The following GABBR2 variants were observed in gnomAD, a reference collection of about 807,000 sequenced individuals.
GABBR2 encodes the protein gamma-aminobutyric acid type B receptor subunit 2.
In GABBR2, 23 loss-of-function variants were observed where a neutral mutation model predicts 105.6. That is an observed-to-expected ratio of 0.22 (90% confidence interval 0.16 to 0.31). GABBR2 has a LOEUF of 0.31. Ranked by LOEUF, GABBR2 falls within the 10% of genes least tolerant of loss-of-function variation. The pLI, the probability that GABBR2 is intolerant of heterozygous loss-of-function variation, is 1.00. For synonymous variants in GABBR2, 478 were observed against 499.7 expected, an observed-to-expected ratio of 0.96 and a Z score of 0.58; for missense variants, 734 against 1,245.5, an observed-to-expected ratio of 0.59 and a Z score of 6.18.
At chr9:98,484,759 G>T (rs981397513) in intron 4 of GABBR2, among the ~76,000 whole-genome samples, 13 of 152,224 alleles carry the variant, frequency 8.5e-5, no homozygotes, top group African/African-American at 3.1e-4. Flanking sequence ...GAAAGGTTTT[G>T]GATTTGGGGA....
At chr9:98,593,658 T>G (rs1829180681) in intron 1 of GABBR2, among the ~76,000 whole-genome samples, 2 of 152,114 alleles carry the variant, frequency 1.3e-5, no homozygotes, top group Non-Finnish European at 2.9e-5. Context: ...GACTTTCCCT[T>G]GGGAGCCATG....
chr9:98,291,973 A>G (rs1456647006), intron 18 of GABBR2, among the ~76,000 whole-genome samples: 2 of 152,174 alleles, frequency 1.3e-5, no homozygotes, highest in Non-Finnish European at 2.9e-5. Flanking sequence ...CAGCAAGGGA[A>G]AAGGGAGCTG....
chr9:98,459,623 T>G (rs1305753282), intron 6 of GABBR2, among the ~76,000 whole-genome samples: 1 of 152,198 alleles, frequency 6.6e-6, no homozygotes, highest in Non-Finnish European at 1.5e-5. Flanking sequence ...ATAATTAAGC[T>G]GCATAAAGCA....
intron 3 of GABBR2, among the ~76,000 whole-genome samples, chr9:98,531,759 G>A (rs979942659): frequency 1.3e-5 from 2 of 152,202 alleles, no homozygotes; most frequent in African/African-American, 4.8e-5. Flanking sequence ...AGGCCTGTGG[G>A]GCTGATTCTT....
chr9:98,451,239 C>T (rs568745971), intron 7 of GABBR2, among the ~76,000 whole-genome samples: 13 of 152,266 alleles, frequency 8.5e-5, no homozygotes, highest in African/African-American at 2.4e-4. Flanking sequence ...GAGTTCAGGG[C>T]TCCTTCTCTG....
chr9:98,371,365 C>T, intron 12 of GABBR2, 99 bp downstream of exon 12: 1 of 695,808 alleles, frequency 1.4e-6, no homozygotes, highest in Non-Finnish European at 2.6e-6. Flanking sequence ...TAGCTTGGAT[C>T]CCCAGCAAAT....
chr9:98,631,309 T>C (rs1019126918), intron 1 of GABBR2, among the ~76,000 whole-genome samples: 1 of 152,200 alleles, frequency 6.6e-6, no homozygotes, highest in Non-Finnish European at 1.5e-5. Flanking sequence ...CTGGAAAAGA[T>C]AACTAACCTT....
At chr9:98,455,240 C>T (rs12004517) in intron 6 of GABBR2, among the ~76,000 whole-genome samples, 35,761 of 151,992 alleles carry the variant, frequency 0.24, 4,555 homozygotes, top group East Asian at 0.5. Flanking sequence ...CACAAAGTAA[C>T]GAAACTGCCT....
At position 98,708,417 on chromosome 9, in the gene GABBR2, C is replaced by T. The variant is rs773774151; in HGVS notation, c.321G>A (p.Glu107=). Residue 107 remains glutamate, a splice_region_variant and synonymous_variant, in exon 1 of 19, where the codon GAG becomes GAA. Coordinates refer to ENST00000259455, the MANE Select transcript of GABBR2 (RefSeq NM_005458.8). The part of the protein sequence containing the change: ...YFLDLRLYDT[E]CDNAKGLKAF... ...ACGGCAGGGGCAGCCGGACACTCAC[C>T]TCCGTGTCATAGAGCCGCAGGTCGA... The T allele has an allele frequency of 5.4e-6, 8 of 1,481,448 alleles. No homozygotes were observed. The highest frequency in any genetic ancestry group is 1.4e-5 in the South Asian group (1 of 71,154). The allele number at this position is 1,481,448 out of a possible 1,614,324, so 91.8% of individuals were successfully genotyped here. A position where few individuals can be genotyped will look rare whatever the true frequency, so the allele number is the denominator to read the frequency against.
At position 98,362,781 on chromosome 9, in the gene GABBR2, C is replaced by T. The variant is rs764113280; in HGVS notation, c.1827G>A (p.Leu609=). Residue 609 remains leucine, a synonymous_variant, in exon 13 of 19, where the codon CTG becomes CTA. Coordinates refer to ENST00000259455, the MANE Select transcript of GABBR2 (RefSeq NM_005458.8). ...CAGCCTGCCAGCAGATCAGGATACACAGGTCGATCAGCAGCATGCCCCCCA... is the reference window on the plus strand; with the variant it reads ...CAGCCTGCCAGCAGATCAGGATACATAGGTCGATCAGCAGCATGCCCCCCA... The part of the protein sequence containing the change: ...VIVGGMLLID[L]CILICWQAVD... 8 of 1,604,252 alleles carry T rather than the reference C, an allele frequency of 5.0e-6. No individual in the cohort carries two copies. The highest frequency in any genetic ancestry group is 2.3e-5 in the East Asian group (1 of 43,972).
At chr9:98,593,402 G>A (rs1466881328) in intron 1 of GABBR2, among the ~76,000 whole-genome samples, 1 of 152,184 alleles carries the variant, frequency 6.6e-6, no homozygotes, top group African/African-American at 2.4e-5. Context: ...GGGGAGGGGT[G>A]AGAGACCAGT....
intron 4 of GABBR2, among the ~76,000 whole-genome samples, chr9:98,493,806 A>G (rs1272542617): frequency 6.6e-6 from 1 of 152,128 alleles, no homozygotes; most frequent in Non-Finnish European, 1.5e-5. Context: ...ATTCACACAC[A>G]CTCAACAAAT....
At chr9:98,405,930 T>C (rs1251515557) in intron 8 of GABBR2, 151 bp downstream of exon 8, 2 of 606,498 alleles carry the variant, frequency 3.3e-6, no homozygotes, top group Non-Finnish European at 5.8e-6. Flanking sequence ...AGGTTGAAAC[T>C]AATGTTTTCA....
intron 3 of GABBR2, among the ~76,000 whole-genome samples, chr9:98,501,566 C>A (rs772714892): frequency 6.6e-6 from 1 of 152,164 alleles, no homozygotes; most frequent in South Asian, 2.1e-4. Flanking sequence ...CTCAGTTCTG[C>A]TTGCCTTTAT....
chr9:98,304,572 G>T (rs573911850), intron 15 of GABBR2, among the ~76,000 whole-genome samples: 1 of 152,342 alleles, frequency 6.6e-6, no homozygotes, highest in South Asian at 2.1e-4. Context: ...GACGACTAAG[G>T]TGTGTACACC....
chr9:98,618,922 T>C (rs568084559), intron 1 of GABBR2, among the ~76,000 whole-genome samples: 98 of 152,330 alleles, frequency 6.4e-4, no homozygotes, highest in Non-Finnish European at 1.2e-3. Context: ...TTCTATAAAC[T>C]GACAGCTTTA....
chr9:98,364,601 ATTTTT>A (rs61391834), intron 12 of GABBR2, among the ~76,000 whole-genome samples: 24 of 135,196 alleles, frequency 1.8e-4, no homozygotes, highest in Admixed American at 3.7e-4. Context: ...GAGGAAGTGG[ATTTTT>A]TTTTTTTTTT....
At chr9:98,612,780 G>A (rs777981830) in intron 1 of GABBR2, among the ~76,000 whole-genome samples, 5 of 152,224 alleles carry the variant, frequency 3.3e-5, no homozygotes, top group Non-Finnish European at 7.3e-5. Flanking sequence ...GATGGGCTCT[G>A]AGTGCAATAC....
chr9:98,608,444 TTTGA>T (rs1253096335), intron 1 of GABBR2, among the ~76,000 whole-genome samples: 4 of 152,194 alleles, frequency 2.6e-5, no homozygotes, highest in African/African-American at 9.6e-5. Flanking sequence ...GTTCTGACGG[TTTGA>T]TTGTTTACAA....
Sources: allele counts gnomAD v4.1 joint callset (sites outside exome capture counted in the v4.1 genomes callset), GRCh38; gene constraint gnomAD v4.1.1; transcripts MANE v1.5; gene names NCBI Gene and HGNC (gene_info 2026-07-23, HGNC 2026-07-21).